Variants in TECPR2 observed in about 807,000 individuals in gnomAD.
TECPR2 encodes tectonin beta-propeller repeat-containing protein 2.
Under a neutral mutation model 138.1 loss-of-function variants are expected in TECPR2, and 65 were observed. That is an observed-to-expected ratio of 0.47 (90% confidence interval 0.39 to 0.58). TECPR2 has a LOEUF of 0.58. TECPR2 is among the 20% of genes least tolerant of loss of function. The probability of loss-of-function intolerance (pLI) is 0.00; values close to 1 mark genes in which losing one functional copy is unlikely to be tolerated. For missense variants in TECPR2, 1,553 were observed against 1,824.5 expected, an observed-to-expected ratio of 0.85 and a Z score of 2.71; for synonymous variants, 746 against 749.8, an observed-to-expected ratio of 0.99 and a Z score of 0.08.
chr14:102,450,779 A>G, intron 15 of TECPR2, 130 bp downstream of exon 15: 1 of 848,356 alleles, frequency 1.2e-6, no homozygotes, highest in Non-Finnish European at 1.9e-6. Flanking sequence ...TGAGGGTGTC[A>G]GAGGCCAGTA....
At chr14:102,463,736 C>T (rs1348622269) in intron 16 of TECPR2, among the ~76,000 whole-genome samples, 3 of 151,884 alleles carry the variant, frequency 2.0e-5, no homozygotes, top group East Asian at 1.9e-4. Context: ...CCAGCCTGGC[C>T]GACATGATTA....
intron 5 of TECPR2, 85 bp downstream of exon 5, chr14:102,414,878 G>A (rs1888978571): frequency 2.0e-6 from 3 of 1,518,410 alleles, no homozygotes; most frequent in Non-Finnish European, 2.7e-6. Flanking sequence ...TCTCCTGTTT[G>A]CCGGAGACCT....
chr14:102,418,008 G>A (rs1451594891), intron 5 of TECPR2, among the ~76,000 whole-genome samples: 2 of 152,140 alleles, frequency 1.3e-5, no homozygotes, highest in Non-Finnish European at 2.9e-5. Flanking sequence ...ATGGAGACTG[G>A]AGACTGGGGA....
At chr14:102,433,249 C>T (rs1043383829) in intron 8 of TECPR2, among the ~76,000 whole-genome samples, 1 of 151,190 alleles carries the variant, frequency 6.6e-6, no homozygotes, top group African/African-American at 2.4e-5. Context: ...CATGGGTATA[C>T]AGCACCCAGG....
At chr14:102,438,357 C>A in intron 10 of TECPR2, 152 bp downstream of exon 10, 1 of 934,364 alleles carries the variant, frequency 1.1e-6, no homozygotes, top group Non-Finnish European at 1.5e-6. Context: ...TCTTCAGGAA[C>A]GTTTGAGGGG....
At chr14:102,417,796 C>T (rs1438059865) in intron 5 of TECPR2, among the ~76,000 whole-genome samples, 13 of 128,770 alleles carry the variant, frequency 1.0e-4, no homozygotes, top group African/African-American at 2.5e-4. Context: ...GAGGCTGGCA[C>T]GGGAGTCCAG....
At position 102,376,870 on chromosome 14, in the gene TECPR2, T is replaced by C; in HGVS notation, c.149T>C (p.Val50Ala). The change falls in exon 2 of 20, where the codon GTG (valine) becomes GCG (alanine). Residue 50 changes from valine (V) to alanine (A), a missense_variant. Coordinates refer to ENST00000359520, the MANE Select transcript of TECPR2 (RefSeq NM_014844.5). ...ALDTNGDYIA[V>A]GSSIGMLYLY... is the part of the protein sequence containing the mutation. ...GACACCAACGGGGACTACATCGCGG[T>C]GGGCAGCAGCATCGGCATGCTCTAT... 6.2e-7 allele frequency: 1 copy of C among 1,614,128 alleles called. No individual in the cohort carries two copies. The highest frequency in any genetic ancestry group is 8.5e-7 in the Non-Finnish European group (1 of 1,180,026).
At chr14:102,417,429 C>T (rs1461876536) in intron 5 of TECPR2, among the ~76,000 whole-genome samples, 1 of 152,284 alleles carries the variant, frequency 6.6e-6, no homozygotes, top group Admixed American at 6.5e-5. Flanking sequence ...GAGAGACTGT[C>T]GGTCAGCAGG....
chr14:102,418,778 A>G (rs1015095699), intron 5 of TECPR2, among the ~76,000 whole-genome samples: 2 of 152,080 alleles, frequency 1.3e-5, no homozygotes, highest in Admixed American at 1.3e-4. Context: ...AGAAGACAGG[A>G]TGGGGCGGGG....
At chr14:102,416,428 C>T (rs1241599586) in intron 5 of TECPR2, among the ~76,000 whole-genome samples, 3 of 152,156 alleles carry the variant, frequency 2.0e-5, no homozygotes, top group East Asian at 3.9e-4. Flanking sequence ...GCCTGCTGAA[C>T]ACCTTCTTAA....
chr14:102,371,528 C>T (rs1887508800), intron 1 of TECPR2, among the ~76,000 whole-genome samples: 1 of 152,132 alleles, frequency 6.6e-6, no homozygotes, highest in Non-Finnish European at 1.5e-5. Context: ...CCGCTGGGGA[C>T]TTCTTGGGCA....
intron 2 of TECPR2, among the ~76,000 whole-genome samples, chr14:102,385,311 G>C (rs1307009725): frequency 6.6e-6 from 1 of 152,106 alleles, no homozygotes; most frequent in Non-Finnish European, 1.5e-5. Flanking sequence ...ATCTATTCAT[G>C]AGGGATCTAC....
chr14:102,432,026 C>T lies in TECPR2; in HGVS notation c.1315C>T (p.Pro439Ser), dbSNP rs2273906. ...ATPELGKGSQ[P>S]LSQRFNAISS... ...CCCTGAGCTGGGCAAGGGCAGCCAG[C>T]CCCTGTCACAGAGATTCAACGCCAT... Residue 439 changes from proline to serine, a missense_variant, in exon 8 of 20, where the codon CCC (proline) becomes TCC (serine). Physicochemically the swap from Pro to Ser is moderately conservative, Grantham distance 74 (BLOSUM62 -1). Coordinates refer to ENST00000359520, the MANE Select transcript of TECPR2 (RefSeq NM_014844.5). 0.034 allele frequency: 55,480 copies of T among 1,612,818 alleles called. 1,112 individuals carry two copies. The highest frequency in any genetic ancestry group is 0.057 in the Admixed American group (3,393 of 59,976).
At chr14:102,424,072 C>G (rs1350541369) in intron 5 of TECPR2, among the ~76,000 whole-genome samples, 3 of 152,254 alleles carry the variant, frequency 2.0e-5, no homozygotes, top group African/African-American at 7.2e-5. Flanking sequence ...TAGGTGACAT[C>G]TTTGTTGTAT....
intron 7 of TECPR2, 59 bp downstream of exon 7, chr14:102,428,441 TTGTAATTGCAGTTA>T: frequency 3.1e-6 from 5 of 1,592,326 alleles, no homozygotes; most frequent in Middle Eastern, 3.4e-4. Context: ...ACTCTGTTGT[TTGTAATTGCAGTTA>T]ATAATTGATC....
intron 13 of TECPR2, among the ~76,000 whole-genome samples, chr14:102,448,470 G>C (rs918800567): frequency 2.0e-5 from 3 of 152,210 alleles, no homozygotes; most frequent in Non-Finnish European, 4.4e-5. Context: ...ATAGAAGCAA[G>C]CTACCCTTCT....
rs766604814 is a variant in TECPR2 at position 102,450,632 on chromosome 14, C to T, written c.3389C>T (p.Ala1130Val). 1 of 1,614,156 alleles carries T rather than the reference C, an allele frequency of 6.2e-7. No individual in the cohort carries two copies. The highest frequency in any genetic ancestry group is 8.5e-7 in the Non-Finnish European group (1 of 1,179,990). The change falls in exon 15 of 20, where the codon GCA becomes GTA. Residue 1130 changes from alanine (A) to valine (V), a missense_variant. Ala to Val is a moderately conservative substitution (Grantham distance 64). Coordinates refer to ENST00000359520, the MANE Select transcript of TECPR2 (RefSeq NM_014844.5). ...ATKWAFVLAS[A>V]APTKEGSFLW... ...AAATGGGCCTTTGTGTTGGCTTCTG[C>T]AGCTCCCACGAAGGAAGGTGGGTCA...
At chr14:102,456,905 G>A (rs1310628107) in intron 16 of TECPR2, among the ~76,000 whole-genome samples, 1 of 151,584 alleles carries the variant, frequency 6.6e-6, no homozygotes, top group Non-Finnish European at 1.5e-5. Context: ...TCACTCTTAA[G>A]TTGAGACTCA....
chr14:102,472,107 C>T (rs1289296941), intron 17 of TECPR2, among the ~76,000 whole-genome samples: 1 of 152,198 alleles, frequency 6.6e-6, no homozygotes, highest in Non-Finnish European at 1.5e-5. Flanking sequence ...ATGTGCCTTG[C>T]CTCCTCCTTT....
Sources: allele counts gnomAD v4.1 joint callset (sites outside exome capture counted in the v4.1 genomes callset), GRCh38; gene constraint gnomAD v4.1.1; transcripts MANE v1.5; gene names NCBI Gene and HGNC (gene_info 2026-07-23, HGNC 2026-07-21).